RFPL2: variants seen among roughly 807,000 people sequenced by gnomAD.
The protein encoded by RFPL2 is ret finger protein-like 2.
Under a neutral mutation model 17.8 loss-of-function variants are expected in RFPL2, and 13 were observed. That is an observed-to-expected ratio of 0.73 (90% CI 0.47 to 1.16). The LOEUF (loss-of-function observed/expected upper bound fraction) is 1.16, where lower values mean the gene tolerates loss of function less well. RFPL2 is among the 50% of genes most tolerant of loss of function. The pLI is 0.00. For synonymous variants in RFPL2, 189 were observed against 180.9 expected (o/e 1.04, Z -0.36); for missense variants, 431 against 479.3 (o/e 0.90, Z 0.94).
At chr22:32,197,574 C>T (rs1923483037) in intron 2 of RFPL2, among the ~76,000 whole-genome samples, 1 of 152,102 alleles carries the variant, frequency 6.6e-6, no homozygotes, top group Non-Finnish European at 1.5e-5. Flanking sequence ...CATCCCACGA[C>T]AGGCCCTGGT....
chr22:32,194,225 G>T, intron 3 of RFPL2, 120 bp downstream of exon 3: 1 of 1,157,116 alleles, frequency 8.6e-7, no homozygotes, highest in Non-Finnish European at 1.2e-6. Context: ...CTCTGAGGCA[G>T]CACTCAGACG....
At chr22:32,194,283 A>G in intron 3 of RFPL2, 62 bp downstream of exon 3, 1 of 1,558,678 alleles carries the variant, frequency 6.4e-7, no homozygotes, top group Non-Finnish European at 8.7e-7. Flanking sequence ...TCATCCCCCC[A>G]AGTCATAACC....
intron 2 of RFPL2, among the ~76,000 whole-genome samples, chr22:32,199,408 G>T (rs1047078395): frequency 6.6e-6 from 1 of 152,212 alleles, no homozygotes; most frequent in African/African-American, 2.4e-5. Flanking sequence ...CACAGACAGA[G>T]AACCCTGGAC....
chr22:32,193,136 G>C lies in RFPL2; in HGVS notation c.322C>G (p.Leu108Val). 7 of 1,613,980 alleles carry C rather than the reference G, an allele frequency of 4.3e-6. No individual in the cohort carries two copies. The highest frequency in any genetic ancestry group is 5.9e-6 in the Non-Finnish European group (7 of 1,179,858). The change falls in exon 4 of 5, where the codon CTG becomes GTG. Residue 108 changes from leucine to valine, a missense_variant. Physicochemically the swap from Leu to Val is conservative, Grantham distance 32 (BLOSUM62 1). Transcript: ENST00000652607. The stretch of plus-strand genomic sequence containing the variant: ...CACTCCAGGGACATTGGTTTTTCCA[G>C]ATAGTCTGAGCAGACGGGACAGCTG... ...ASSCPVCSDYLEKPMSLECGC... is the reference protein window; with the variant it reads ...ASSCPVCSDYVEKPMSLECGC...
At chr22:32,201,170 T>C (rs1195327893) in intron 2 of RFPL2, among the ~76,000 whole-genome samples, 3 of 151,926 alleles carry the variant, frequency 2.0e-5, no homozygotes, top group African/African-American at 7.2e-5. Flanking sequence ...CCTGAGTAGC[T>C]GGGACTACAG....
chr22:32,195,464 CT>C (rs67065908), intron 2 of RFPL2, among the ~76,000 whole-genome samples: 2 of 150,532 alleles, frequency 1.3e-5, no homozygotes, highest in African/African-American at 4.9e-5. Flanking sequence ...TTTCTTTTTT[CT>C]TTTTTTTTGA....
At chr22:32,192,066 A>G (rs1211162202) in intron 4 of RFPL2, among the ~76,000 whole-genome samples, 2 of 152,194 alleles carry the variant, frequency 1.3e-5, no homozygotes, top group African/African-American at 2.4e-5. Flanking sequence ...GGACATGGAT[A>G]AGGAAGGAGG....
intron 3 of RFPL2, 44 bp from the exon 4 acceptor site, chr22:32,193,236 T>G (rs1384513780): frequency 3.7e-6 from 6 of 1,613,736 alleles, no homozygotes; most frequent in Non-Finnish European, 4.2e-6. Context: ...TTCCATGAGG[T>G]GAAAGCCTGT....
chr22:32,198,716 C>T (rs886684547), intron 2 of RFPL2, among the ~76,000 whole-genome samples: 1 of 151,874 alleles, frequency 6.6e-6, no homozygotes, highest in African/African-American at 2.4e-5. Context: ...GAGCCCGGGC[C>T]CTGGGCAAAG....
rs958781123 is a variant in RFPL2, at chr22:32,202,257, C to G, written c.119+76G>C. ...CCACATCTCCTCCTCTCACTGTGAC[C>G]CTCCTCCTGCCTTCCTCTTTCCCTT... On this transcript the variant is annotated intron_variant, in intron 2 of 4. Coordinates refer to ENST00000652607, the MANE Select transcript of RFPL2 (RefSeq NM_001394555.1). 2.0e-6 allele frequency: 3 copies of G among 1,529,610 alleles called. No individual in the cohort carries two copies. In the African/African-American group the frequency reaches 4.1e-5, roughly 21 times the overall value. 94.8% of individuals were successfully genotyped at this position (1,529,610 alleles called of 1,614,324 possible). A position where few individuals can be genotyped will look rare whatever the true frequency, so the allele number is the denominator to read the frequency against.
At position 32,199,478 on chromosome 22, in the gene RFPL2, T is replaced by C. The variant is rs531129995; in HGVS notation, c.119+2855A>G. Among the ~76,000 whole-genome samples, 35 of 152,230 alleles carry C rather than the reference T, an allele frequency of 2.3e-4. No individual in the cohort carries two copies. The South Asian group carries it at 7.1e-3, about 31-fold the overall frequency. ...CCCACTGCAGAGGCTCAGGAGAGAC[T>C]GATCTGGGAGCAAACAGAGCTATTA... On this transcript the variant is annotated intron_variant, in intron 2 of 4. Coordinates refer to ENST00000652607, the MANE Select transcript of RFPL2 (RefSeq NM_001394555.1).
intron 4 of RFPL2, among the ~76,000 whole-genome samples, chr22:32,192,690 C>A (rs1203527341): frequency 6.6e-6 from 1 of 152,212 alleles, no homozygotes; most frequent in Non-Finnish European, 1.5e-5. Flanking sequence ...CCTTGTCTAA[C>A]CCATGACATA....
rs756820057 is a variant in RFPL2 at position 32,192,971 on chromosome 22, G to T, written c.487C>A (p.His163Asn). 5 of 1,613,976 alleles carry T rather than the reference G, an allele frequency of 3.1e-6. No homozygotes were observed. Among genetic ancestry groups the T allele is most frequent in the Non-Finnish European group, 4.2e-6 (5 of 1,180,022 alleles). ...RNRQLERLASHIKELEPKLKK... is the reference protein window; with the variant it reads ...RNRQLERLASNIKELEPKLKK... ...AGCTTGGGCTCCAGTTCCTTGATGTGGGAAGCCAGCCTCTCTAGCTGCCGA... is the reference window on the plus strand; with the variant it reads ...AGCTTGGGCTCCAGTTCCTTGATGTTGGAAGCCAGCCTCTCTAGCTGCCGA... The change falls in exon 4 of 5, where the codon CAC (histidine) becomes AAC (asparagine). Residue 163 changes from histidine to asparagine, a missense_variant. His to Asn is a moderately conservative substitution (Grantham distance 68, BLOSUM62 1). Transcript: ENST00000652607.
intron 4 of RFPL2, 74 bp from the exon 5 acceptor site, chr22:32,191,426 C>T: frequency 2.0e-6 from 3 of 1,492,928 alleles, no homozygotes; most frequent in Non-Finnish European, 2.7e-6. Flanking sequence ...CTTCAAAGGC[C>T]CAAATATCTC....
At position 32,194,475 on chromosome 22, in the gene RFPL2, C is replaced by T; in HGVS notation, c.135G>A (p.Glu45=). Residue 45 remains glutamate, a synonymous_variant, in exon 3 of 5, where the codon GAG becomes GAA. Transcript: ENST00000652607. ...VIRSLSLIRL[E]GVEGRDPVGG... Reference sequence around the variant, plus strand: ...CCACTGGGTCACGCCCTTCCACACCCTCTAACCTGATGAGGCTTTGATTTA... The same window carrying T: ...CCACTGGGTCACGCCCTTCCACACCTTCTAACCTGATGAGGCTTTGATTTA... 2 of 1,611,344 alleles carry T rather than the reference C, an allele frequency of 1.2e-6. No individual in the cohort carries two copies. Among genetic ancestry groups the T allele is most frequent in the Non-Finnish European group, 1.7e-6 (2 of 1,179,204 alleles).
chr22:32,194,672 T>G (rs1343602731), intron 2 of RFPL2, among the ~76,000 whole-genome samples, 182 bp from the exon 3 acceptor site: 2 of 152,266 alleles, frequency 1.3e-5, no homozygotes, highest in Non-Finnish European at 1.5e-5. Context: ...TTAGAGATGT[T>G]TCCATCAGTT....
intron 1 of RFPL2, 162 bp from the exon 2 acceptor site, chr22:32,202,712 G>T: frequency 1.6e-6 from 2 of 1,266,048 alleles, no homozygotes; most frequent in Non-Finnish European, 2.0e-6. Flanking sequence ...AGTGGGGACT[G>T]CAGACACCAC....
rs751847523 is a variant in RFPL2 at position 32,191,136 on chromosome 22, C to A, written c.773G>T (p.Cys258Phe). 1 of 1,613,982 alleles carries A rather than the reference C, an allele frequency of 6.2e-7. No individual in the cohort carries two copies. The highest frequency in any genetic ancestry group is 1.1e-5 in the South Asian group (1 of 91,074). ...GTSTEWDLGV[C>F]RESVHRKGRI... is the part of the protein sequence containing the mutation. ...CCCTTTGCGGTGAACAGATTCTCTG[C>A]AGACTCCCAGGTCCCATTCTGTGCT... The change falls in exon 5 of 5, where the codon TGC becomes TTC. Residue 258 changes from cysteine to phenylalanine, a missense_variant. Transcript: ENST00000652607.
At chr22:32,202,166 C>A (rs1923981846) in intron 2 of RFPL2, among the ~76,000 whole-genome samples, 167 bp downstream of exon 2, 1 of 152,110 alleles carries the variant, frequency 6.6e-6, no homozygotes, top group South Asian at 2.1e-4. Context: ...CTCTCCTGAT[C>A]TTCTCTCCCC....
Sources: allele counts gnomAD v4.1 joint callset (sites outside exome capture counted in the v4.1 genomes callset), GRCh38; gene constraint gnomAD v4.1.1; transcripts MANE v1.5; gene names NCBI Gene and HGNC (gene_info 2026-07-23, HGNC 2026-07-21).